The following COG5 variants were observed in gnomAD, a reference collection of about 807,000 sequenced individuals.
COG5 encodes conserved oligomeric Golgi complex subunit 5.
Under a neutral mutation model 110.4 loss-of-function variants are expected in COG5, and 86 were observed. The ratio of observed to expected loss-of-function variants is 0.78; its 90% CI spans 0.65 to 0.93. The LOEUF is 0.93. COG5 is among the 40% of genes least tolerant of loss of function. The probability of loss-of-function intolerance (pLI) is 0.00; values close to 1 mark genes in which losing one functional copy is unlikely to be tolerated. For synonymous variants in COG5, 360 were observed against 334.6 expected (o/e 1.08, Z -0.83); for missense variants, 1,077 against 987.0 (o/e 1.09, Z -1.22).
chr7:107,449,052 T>A (rs963814344), intron 6 of COG5, among the ~76,000 whole-genome samples: 1 of 152,058 alleles, frequency 6.6e-6, no homozygotes, highest in Non-Finnish European at 1.5e-5. Flanking sequence ...TATTAAATCA[T>A]CACTGCACAA....
At chr7:107,403,457 T>G (rs1791586931) in intron 7 of COG5, among the ~76,000 whole-genome samples, 1 of 151,706 alleles carries the variant, frequency 6.6e-6, no homozygotes, top group Non-Finnish European at 1.5e-5. Flanking sequence ...GTTATATAGG[T>G]ATACACGTGC....
At chr7:107,330,823 CTTT>C (rs376987809) in intron 10 of COG5, among the ~76,000 whole-genome samples, 12 of 135,568 alleles carry the variant, frequency 8.9e-5, no homozygotes, top group South Asian at 2.4e-4. Context: ...AGCTAGATCC[CTTT>C]TTTTTTTTTT....
intron 1 of COG5, among the ~76,000 whole-genome samples, chr7:107,561,132 G>A (rs949679611): frequency 3.9e-5 from 6 of 152,222 alleles, no homozygotes; most frequent in Non-Finnish European, 7.3e-5. Flanking sequence ...AACACAACGG[G>A]ATGTGGCATT....
At chr7:107,502,244 TATA>T (rs910063443) in intron 6 of COG5, among the ~76,000 whole-genome samples, 7 of 152,072 alleles carry the variant, frequency 4.6e-5, no homozygotes, top group African/African-American at 9.7e-5. Flanking sequence ...AGCTCCCACT[TATA>T]ATGAGAACAT....
chr7:107,454,093 TA>T (rs1285443796), intron 6 of COG5, among the ~76,000 whole-genome samples: 1 of 152,070 alleles, frequency 6.6e-6, no homozygotes, highest in Admixed American at 6.6e-5. Flanking sequence ...AGCAAGCAAT[TA>T]AAATTTAAGA....
chr7:107,466,185 T>C (rs1381129052), intron 6 of COG5, among the ~76,000 whole-genome samples: 1 of 152,108 alleles, frequency 6.6e-6, no homozygotes, highest in African/African-American at 2.4e-5. Flanking sequence ...CAAAGAGGGA[T>C]AGTAAGCAGT....
chr7:107,419,725 G>A (rs1304877643), intron 6 of COG5, among the ~76,000 whole-genome samples: 4 of 152,026 alleles, frequency 2.6e-5, no homozygotes, highest in Non-Finnish European at 5.9e-5. Flanking sequence ...CTACCACCAT[G>A]CCCAGCTAAT....
chr7:107,560,493 A>G (rs898742484), intron 1 of COG5, among the ~76,000 whole-genome samples: 1 of 152,230 alleles, frequency 6.6e-6, no homozygotes, highest in Non-Finnish European at 1.5e-5. Context: ...CAACTGATAC[A>G]GGAAATTTAG....
intron 10 of COG5, among the ~76,000 whole-genome samples, chr7:107,358,294 G>A (rs1271448932): frequency 6.6e-6 from 1 of 152,156 alleles, no homozygotes; most frequent in Non-Finnish European, 1.5e-5. Flanking sequence ...ATTCATTTGT[G>A]TAGAAAGCCA....
intron 7 of COG5, among the ~76,000 whole-genome samples, chr7:107,392,662 G>C (rs891341409): frequency 7.6e-6 from 1 of 132,044 alleles, no homozygotes; most frequent in Admixed American, 7.7e-5. Context: ...ATGAGGGAAA[G>C]AATATTGAAA....
intron 10 of COG5, among the ~76,000 whole-genome samples, chr7:107,356,619 T>C (rs185886092): frequency 6.6e-6 from 1 of 152,078 alleles, no homozygotes; most frequent in African/African-American, 2.4e-5. Context: ...AAGAAAAAAA[T>C]TTCAGTACAT....
chr7:107,273,213 T>C (rs1259864411), intron 14 of COG5, among the ~76,000 whole-genome samples: 1 of 152,198 alleles, frequency 6.6e-6, no homozygotes, highest in Non-Finnish European at 1.5e-5. Flanking sequence ...GCAATCTTGC[T>C]GTTTGTCACA....
chr7:107,421,146 A>G (rs561198634), intron 6 of COG5, among the ~76,000 whole-genome samples: 6 of 152,298 alleles, frequency 3.9e-5, no homozygotes, highest in African/African-American at 1.4e-4. Context: ...TAACTGTGAT[A>G]CTGTTGATAT....
intron 6 of COG5, among the ~76,000 whole-genome samples, chr7:107,415,750 GTATATATGTA>G (rs1563020827): frequency 1.0e-4 from 15 of 145,800 alleles, no homozygotes; most frequent in Non-Finnish European, 2.1e-4. Context: ...ATACATGTAT[GTATATATGTA>G]TGTGTGTATA....
At chr7:107,408,577 T>G (rs1213128352) in intron 7 of COG5, among the ~76,000 whole-genome samples, 1 of 152,232 alleles carries the variant, frequency 6.6e-6, no homozygotes, top group Non-Finnish European at 1.5e-5. Context: ...CTATAAGAAC[T>G]TGTTTGACAT....
intron 6 of COG5, among the ~76,000 whole-genome samples, chr7:107,428,477 GCAA>G (rs1444387276): frequency 3.3e-5 from 5 of 152,078 alleles, no homozygotes; most frequent in African/African-American, 1.2e-4. Flanking sequence ...TATAAGTCAA[GCAA>G]CAACAAGAAT....
chr7:107,257,488 C>T (rs1396718743), intron 15 of COG5, among the ~76,000 whole-genome samples: 1 of 151,892 alleles, frequency 6.6e-6, no homozygotes, highest in Non-Finnish European at 1.5e-5. Flanking sequence ...TAGAATTATT[C>T]TAAAACACAA....
At chr7:107,225,457 G>A (rs995318048) in intron 19 of COG5, among the ~76,000 whole-genome samples, 2 of 151,974 alleles carry the variant, frequency 1.3e-5, no homozygotes, top group East Asian at 3.9e-4. Flanking sequence ...CTTAGTCAAA[G>A]ATATTTTCAT....
intron 6 of COG5, chr7:107,475,118 T>C (rs918571293): frequency 6.2e-7 from 1 of 1,611,582 alleles, no homozygotes; most frequent in Non-Finnish European, 8.5e-7. Context: ...TTGTGTTTTT[T>C]AGTCATGGCT....
Sources: allele counts gnomAD v4.1 joint callset (sites outside exome capture counted in the v4.1 genomes callset), GRCh38; gene constraint gnomAD v4.1.1; transcripts MANE v1.5; gene names NCBI Gene and HGNC (gene_info 2026-07-23, HGNC 2026-07-21).